The following MTFR1 variants were observed in gnomAD, a reference collection of about 807,000 sequenced individuals.
MTFR1 encodes the protein chondrocyte protein with a poly-proline region.
MTFR1 carries 28 observed loss-of-function variants against 38.8 expected under a neutral mutation model. The ratio of observed to expected loss-of-function variants is 0.72; its 90% confidence interval spans 0.53 to 0.99. The LOEUF (loss-of-function observed/expected upper bound fraction) is 0.99, where lower values mean the gene tolerates loss of function less well. Among genes scored for constraint, MTFR1 ranks in the 50% least tolerant of loss-of-function variants. MTFR1 has a pLI of 0.00. For missense variants in MTFR1, 358 were observed against 395.5 expected (o/e 0.91, Z 0.81); for synonymous variants, 145 against 137.0 (o/e 1.06, Z -0.41).
chr8:65,677,845 G>A (rs111305838), intron 2 of MTFR1, among the ~76,000 whole-genome samples: 16,552 of 150,768 alleles, frequency 0.11, 1,129 homozygotes, highest in Middle Eastern at 0.17. Flanking sequence ...GTGAAACCCC[G>A]TCTCTACTAA....
At chr8:65,680,899 C>CTTTTTTT (rs1199113408) in intron 2 of MTFR1, among the ~76,000 whole-genome samples, 4 of 93,624 alleles carry the variant, frequency 4.3e-5, no homozygotes, top group African/African-American at 8.6e-5. Context: ...AAGCAGTTCT[C>CTTTTTTT]TTTTTTTTTT....
intron 3 of MTFR1, among the ~76,000 whole-genome samples, chr8:65,755,309 T>C (rs556260677): frequency 1.3e-4 from 20 of 152,204 alleles, no homozygotes; most frequent in African/African-American, 4.8e-4. Context: ...GCATGAGCCA[T>C]CATGCCCGGC....
chr8:65,768,642 G>A (rs751505319), intron 3 of MTFR1, among the ~76,000 whole-genome samples: 54 of 152,194 alleles, frequency 3.5e-4, no homozygotes, highest in Non-Finnish European at 6.3e-4. Context: ...ACTGATACTT[G>A]TATTCTCTTT....
intron 3 of MTFR1, chr8:65,682,747 T>C (rs991774650): frequency 2.0e-6 from 2 of 984,768 alleles, no homozygotes; most frequent in Non-Finnish European, 2.4e-6. Context: ...ATAGGCTTTA[T>C]ATTATTCCAG....
intron 1 of MTFR1, 26 bp from the exon 2 acceptor site, chr8:65,669,847 T>A (rs1804517510): frequency 1.2e-6 from 1 of 863,624 alleles, no homozygotes; most frequent in Admixed American, 2.4e-5. Flanking sequence ...TGATTTCATT[T>A]TAGTATTTGC....
intron 2 of MTFR1, among the ~76,000 whole-genome samples, chr8:65,680,690 G>A (rs77395047): frequency 0.042 from 6,314 of 152,076 alleles, 193 homozygotes; most frequent in Non-Finnish European, 0.062. Context: ...GAATGATCAC[G>A]GATTGATCTT....
chr8:65,674,148 G>T (rs942950442), intron 2 of MTFR1, among the ~76,000 whole-genome samples: 1 of 152,074 alleles, frequency 6.6e-6, no homozygotes, highest in African/African-American at 2.4e-5. Context: ...GGCCAGGCTG[G>T]TCTTGAACGC....
chr8:65,649,935 T>G (rs982031343), intron 1 of MTFR1, among the ~76,000 whole-genome samples: 6 of 151,910 alleles, frequency 3.9e-5, no homozygotes, highest in Non-Finnish European at 7.4e-5. Context: ...GCCTCCTGGG[T>G]TCAAGCGATT....
intron 2 of MTFR1, among the ~76,000 whole-genome samples, chr8:65,678,028 A>G (rs976327111): frequency 1.2e-4 from 18 of 151,940 alleles, no homozygotes; most frequent in African/African-American, 1.9e-4. Context: ...AAAAAAAAAA[A>G]AAAGAAATTG....
intron 1 of MTFR1, among the ~76,000 whole-genome samples, 177 bp downstream of exon 1, chr8:65,644,961 G>T (rs551416810): frequency 6.6e-6 from 1 of 152,218 alleles, no homozygotes; most frequent in African/African-American, 2.4e-5. Context: ...CCCGCGGCCG[G>T]GAGGCAGAGA....
At chr8:65,679,730 A>G (rs541897639) in intron 2 of MTFR1, 20 of 152,300 alleles carry the variant, frequency 1.3e-4, no homozygotes, top group African/African-American at 2.6e-4. Context: ...TGATGTTGAC[A>G]TTGTAGAACT....
intron 2 of MTFR1, among the ~76,000 whole-genome samples, chr8:65,681,819 C>T (rs1045640142): frequency 6.6e-6 from 1 of 152,010 alleles, no homozygotes; most frequent in Admixed American, 6.6e-5. Context: ...GAGCAATATG[C>T]CTGGATTTCA....
At chr8:65,691,320 C>T (rs1330495108) in intron 3 of MTFR1, among the ~76,000 whole-genome samples, 1 of 152,140 alleles carries the variant, frequency 6.6e-6, no homozygotes, top group Non-Finnish European at 1.5e-5. Flanking sequence ...CAGAGTCTCA[C>T]TCTGTTGCCC....
chr8:65,658,575 C>A (rs1809328583), intron 1 of MTFR1, among the ~76,000 whole-genome samples: 1 of 152,164 alleles, frequency 6.6e-6, no homozygotes, highest in Non-Finnish European at 1.5e-5. Flanking sequence ...ATACCATCTT[C>A]ATAACACTTG....
At chr8:65,739,318 G>A (rs775420306) in intron 3 of MTFR1, among the ~76,000 whole-genome samples, 3 of 152,180 alleles carry the variant, frequency 2.0e-5, no homozygotes, top group Non-Finnish European at 4.4e-5. Context: ...ACCCAGACCA[G>A]ACCAAAAGAA....
At chr8:65,658,800 G>C (rs139633953) in intron 1 of MTFR1, among the ~76,000 whole-genome samples, 251 of 152,242 alleles carry the variant, frequency 1.6e-3, no homozygotes, top group African/African-American at 5.9e-3. Context: ...TGACCACCCA[G>C]GTTAAGAAAT....
intron 3 of MTFR1, among the ~76,000 whole-genome samples, chr8:65,689,869 A>C (rs1805220844): frequency 6.6e-6 from 1 of 152,222 alleles, no homozygotes; most frequent in South Asian, 2.1e-4. Flanking sequence ...CTTAAATGCC[A>C]AAACTATTTT....
At chr8:65,687,631 C>T (rs1030949269) in intron 3 of MTFR1, among the ~76,000 whole-genome samples, 2 of 152,082 alleles carry the variant, frequency 1.3e-5, no homozygotes, top group Non-Finnish European at 1.5e-5. Context: ...AGGCATGAGC[C>T]ACCGCACCCA....
At chr8:65,745,347 G>A in intron 3 of MTFR1, 3 of 945,966 alleles carry the variant, frequency 3.2e-6, no homozygotes, top group Non-Finnish European at 5.2e-6. Context: ...ACCAGCGGCT[G>A]CACCATCAAT....
Sources: allele counts gnomAD v4.1 joint callset (sites outside exome capture counted in the v4.1 genomes callset), GRCh38; gene constraint gnomAD v4.1.1; transcripts MANE v1.5; gene names NCBI Gene and HGNC (gene_info 2026-07-23, HGNC 2026-07-21).